WDPCP: variants seen among roughly 807,000 people sequenced by gnomAD.
WDPCP encodes the protein WD repeat-containing and planar cell polarity effector protein fritz homolog.
Under a neutral mutation model 93.1 loss-of-function variants are expected in WDPCP, and 71 were observed. That is an observed-to-expected ratio of 0.76 (90% CI 0.63 to 0.93). WDPCP has a LOEUF of 0.93. Ranked by LOEUF, WDPCP falls within the 40% of genes least tolerant of loss-of-function variation. The pLI is 0.00. For synonymous variants in WDPCP, 315 were observed against 315.0 expected, an observed-to-expected ratio of 1.00 and a Z score of 0.00; for missense variants, 844 against 887.4, an observed-to-expected ratio of 0.95 and a Z score of 0.62.
intron 17 of WDPCP, among the ~76,000 whole-genome samples, chr2:63,145,513 A>T (rs1214474924): frequency 6.6e-6 from 1 of 152,062 alleles, no homozygotes; most frequent in African/African-American, 2.4e-5. Context: ...TCTGCTGAGA[A>T]ATGCAGTTTC....
intron 1 of WDPCP, among the ~76,000 whole-genome samples, chr2:63,579,155 T>A (rs577751324): frequency 3.3e-5 from 5 of 152,232 alleles, no homozygotes; most frequent in African/African-American, 1.2e-4. Flanking sequence ...ATAAGTCTTC[T>A]CCAACAGTGC....
At chr2:63,643,257 G>A in intron 3 of WDPCP, 1 of 330,840 alleles carries the variant, frequency 3.0e-6, no homozygotes, top group South Asian at 3.3e-5. Context: ...CATGTCTCTA[G>A]AGACCATTTC....
intron 1 of WDPCP, among the ~76,000 whole-genome samples, chr2:63,824,356 T>C (rs1480651785): frequency 7.0e-6 from 1 of 143,558 alleles, no homozygotes; most frequent in African/African-American, 2.6e-5. Flanking sequence ...TACAGTAGTA[T>C]AAAAATGCAC....
chr2:63,492,474 T>A (rs1365040218), intron 2 of WDPCP, among the ~76,000 whole-genome samples: 1 of 151,810 alleles, frequency 6.6e-6, no homozygotes, highest in Non-Finnish European at 1.5e-5. Context: ...TGAATATGTA[T>A]CTTTTTTTTT....
chr2:63,423,464 T>C (rs975898938), intron 9 of WDPCP, among the ~76,000 whole-genome samples: 1 of 152,194 alleles, frequency 6.6e-6, no homozygotes, highest in Non-Finnish European at 1.5e-5. Context: ...TTTCTTCTTA[T>C]GGGAAAATTG....
intron 2 of WDPCP, among the ~76,000 whole-genome samples, chr2:63,745,749 A>T (rs1402298940): frequency 6.6e-6 from 1 of 151,992 alleles, no homozygotes; most frequent in Non-Finnish European, 1.5e-5. Flanking sequence ...GTTTCCATGA[A>T]TGTTCTGTAT....
chr2:63,406,822 T>A (rs945242946), intron 9 of WDPCP, among the ~76,000 whole-genome samples: 2 of 152,188 alleles, frequency 1.3e-5, no homozygotes, highest in African/African-American at 4.8e-5. Context: ...ACTTGTCACA[T>A]GAGGGTCTTA....
intron 15 of WDPCP, chr2:63,168,992 T>C (rs935503902): frequency 2.6e-5 from 4 of 152,202 alleles, no homozygotes; most frequent in Non-Finnish European, 5.9e-5. Flanking sequence ...GATTTTATTG[T>C]CTCTTTTAAC....
At chr2:63,811,199 C>T (rs1670856060) in intron 2 of WDPCP, among the ~76,000 whole-genome samples, 1 of 152,212 alleles carries the variant, frequency 6.6e-6, no homozygotes, top group South Asian at 2.1e-4. Flanking sequence ...TCCCCATGAT[C>T]TTTGCCTCTT....
At chr2:63,771,337 CA>C (rs199822027) in intron 2 of WDPCP, among the ~76,000 whole-genome samples, 1,860 of 151,090 alleles carry the variant, frequency 0.012, 16 homozygotes, top group Non-Finnish European at 0.015. Context: ...TCAAGCGACA[CA>C]AAAAAAATAG....
At chr2:63,188,479 A>C (rs1304972053) in intron 14 of WDPCP, among the ~76,000 whole-genome samples, 2 of 150,030 alleles carry the variant, frequency 1.3e-5, no homozygotes, top group African/African-American at 4.9e-5. Context: ...GTTCACTTAT[A>C]TTTTTCAGGT....
intron 6 of WDPCP, among the ~76,000 whole-genome samples, chr2:63,444,662 G>A (rs1697727598): frequency 6.6e-6 from 1 of 152,136 alleles, no homozygotes; most frequent in Non-Finnish European, 1.5e-5. Flanking sequence ...GGTAAAGGGA[G>A]GCATCTCTGA....
At chr2:63,284,783 T>G (rs1349294907) in intron 13 of WDPCP, among the ~76,000 whole-genome samples, 1 of 152,222 alleles carries the variant, frequency 6.6e-6, no homozygotes, top group African/African-American at 2.4e-5. Context: ...TTGTTTATTT[T>G]TGGAATTTTC....
At chr2:63,592,085 G>A (rs930775701), upstream of WDPCP, among the ~76,000 whole-genome samples, 5 of 152,078 alleles carry the variant, frequency 3.3e-5, no homozygotes, top group African/African-American at 9.7e-5. Context: ...TAGAAAATTG[G>A]TGTATCCTTT....
intron 2 of WDPCP, among the ~76,000 whole-genome samples, chr2:63,653,509 G>C (rs1032659435): frequency 6.6e-6 from 1 of 152,182 alleles, no homozygotes; most frequent in Admixed American, 6.5e-5. Context: ...GTCTGGAAAA[G>C]ATTAAGCTAA....
chr2:63,307,333 A>G (rs1053461281), intron 13 of WDPCP, among the ~76,000 whole-genome samples: 23 of 152,216 alleles, frequency 1.5e-4, no homozygotes, highest in Non-Finnish European at 2.6e-4. Flanking sequence ...TATAGACTCA[A>G]TGCTATCCCC....
chr2:63,230,085 C>T (rs1678704270), intron 14 of WDPCP, among the ~76,000 whole-genome samples: 1 of 117,280 alleles, frequency 8.5e-6, no homozygotes, highest in Non-Finnish European at 1.7e-5. Flanking sequence ...TCCATCCTCC[C>T]TCCCCCCACC....
At chr2:63,592,804 GTGT>G (rs1485352171), upstream of WDPCP, among the ~76,000 whole-genome samples, 6 of 152,094 alleles carry the variant, frequency 3.9e-5, no homozygotes, top group African/African-American at 1.4e-4. Flanking sequence ...TACAGGACAG[GTGT>G]TGTTCTAGGC....
At chr2:63,246,880 A>G (rs951103104) in intron 14 of WDPCP, among the ~76,000 whole-genome samples, 1 of 152,208 alleles carries the variant, frequency 6.6e-6, no homozygotes, top group African/African-American at 2.4e-5. Flanking sequence ...CAATGGTGAA[A>G]TAGCCAAAAT....
Sources: gnomAD v4.1 joint callset for allele counts (sites outside exome capture counted in the v4.1 genomes callset) on GRCh38, gnomAD v4.1.1 for gene constraint, MANE v1.5 for transcripts, NCBI Gene and HGNC (gene_info 2026-07-23, HGNC 2026-07-21) for gene names.